DYNC1I1: variants seen among roughly 807,000 people sequenced by gnomAD.
DYNC1I1 encodes the protein cytoplasmic dynein 1 intermediate chain 1.
In DYNC1I1, 43 loss-of-function variants were observed where a neutral mutation model predicts 86.6. That is an observed-to-expected ratio of 0.50 (90% CI 0.39 to 0.64). The LOEUF (loss-of-function observed/expected upper bound fraction) is 0.64. Among genes scored for constraint, DYNC1I1 ranks in the 30% least tolerant of loss-of-function variants. The pLI, the probability that DYNC1I1 is intolerant of heterozygous loss-of-function variation, is 0.00. For missense variants in DYNC1I1, 604 were observed against 788.8 expected, an observed-to-expected ratio of 0.77 and a Z score of 2.81; for synonymous variants, 262 against 283.7, an observed-to-expected ratio of 0.92 and a Z score of 0.77.
At chr7:95,807,900 TTTG>T (rs541182115) in intron 2 of DYNC1I1, among the ~76,000 whole-genome samples, 10 of 152,066 alleles carry the variant, frequency 6.6e-5, no homozygotes, top group African/African-American at 1.4e-4. Context: ...GCTATATGCT[TTTG>T]TTGTTGTTGT....
chr7:95,891,629 A>G (rs979504001), intron 6 of DYNC1I1, among the ~76,000 whole-genome samples: 1 of 152,156 alleles, frequency 6.6e-6, no homozygotes, highest in Non-Finnish European at 1.5e-5. Flanking sequence ...GCCTAGGGAG[A>G]GTTTTAATGT....
intron 14 of DYNC1I1, among the ~76,000 whole-genome samples, chr7:96,043,092 C>T (rs766521747): frequency 6.7e-6 from 1 of 149,600 alleles, no homozygotes; most frequent in South Asian, 2.1e-4. Flanking sequence ...TCACTTGAAC[C>T]AGGGATTCAG....
At chr7:96,084,496 A>T (rs1438409193) in intron 16 of DYNC1I1, among the ~76,000 whole-genome samples, 1 of 146,040 alleles carries the variant, frequency 6.8e-6, no homozygotes, top group Admixed American at 7.0e-5. Context: ...CTGGAGTGCA[A>T]TGGCACACTT....
intron 6 of DYNC1I1, among the ~76,000 whole-genome samples, chr7:95,956,490 G>C (rs922910071): frequency 1.3e-5 from 2 of 151,190 alleles, no homozygotes; most frequent in Non-Finnish European, 2.9e-5. Context: ...CCCATTAACC[G>C]GTCATCTACA....
intron 14 of DYNC1I1, among the ~76,000 whole-genome samples, chr7:96,062,413 T>C (rs916618794): frequency 1.3e-5 from 2 of 152,022 alleles, no homozygotes; most frequent in South Asian, 4.2e-4. Flanking sequence ...TAGAATACTT[T>C]CCTTCTTTTG....
intron 6 of DYNC1I1, among the ~76,000 whole-genome samples, chr7:95,973,722 T>A (rs1793233248): frequency 6.6e-6 from 1 of 152,210 alleles, no homozygotes; most frequent in African/African-American, 2.4e-5. Context: ...GCATTTTTGG[T>A]CATGGTGTTT....
intron 9 of DYNC1I1, among the ~76,000 whole-genome samples, chr7:95,990,167 C>T (rs1250190228): frequency 6.6e-6 from 1 of 152,120 alleles, no homozygotes; most frequent in African/African-American, 2.4e-5. Flanking sequence ...TGGAAGAAAT[C>T]TGGGAAGCTG....
intron 5 of DYNC1I1, among the ~76,000 whole-genome samples, chr7:95,867,438 T>A (rs1790042704): frequency 6.6e-6 from 1 of 152,140 alleles, no homozygotes; most frequent in Non-Finnish European, 1.5e-5. Context: ...TCCCCTACCA[T>A]TCAGCTGTAT....
intron 6 of DYNC1I1, among the ~76,000 whole-genome samples, chr7:95,963,329 T>A (rs1028994851): frequency 6.6e-6 from 1 of 152,252 alleles, no homozygotes; most frequent in Non-Finnish European, 1.5e-5. Context: ...CCTGCATGAA[T>A]GCCAAATTCT....
intron 6 of DYNC1I1, among the ~76,000 whole-genome samples, chr7:95,955,693 C>T (rs557560904): frequency 4.6e-5 from 7 of 152,070 alleles, no homozygotes; most frequent in South Asian, 4.2e-4. Flanking sequence ...AACCAGCTCA[C>T]GTAAAAATTT....
intron 10 of DYNC1I1, among the ~76,000 whole-genome samples, chr7:96,021,008 G>A (rs1418462098): frequency 3.9e-5 from 6 of 152,032 alleles, no homozygotes; most frequent in Admixed American, 3.9e-4. Flanking sequence ...TGAGGGATGG[G>A]GGATGGGGGA....
chr7:95,885,950 G>T (rs887581323), intron 6 of DYNC1I1, among the ~76,000 whole-genome samples: 7 of 152,056 alleles, frequency 4.6e-5, no homozygotes, highest in Non-Finnish European at 1.0e-4. Flanking sequence ...TCTCTCTGAA[G>T]AAAAAATAAA....
intron 10 of DYNC1I1, among the ~76,000 whole-genome samples, chr7:95,997,439 T>G (rs1793893556): frequency 1.3e-5 from 2 of 152,162 alleles, no homozygotes; most frequent in African/African-American, 2.4e-5. Context: ...AATAATACAT[T>G]ATTATAATCA....
At chr7:96,073,530 A>G (rs770469199) in intron 14 of DYNC1I1, among the ~76,000 whole-genome samples, 2 of 152,234 alleles carry the variant, frequency 1.3e-5, no homozygotes, top group African/African-American at 2.4e-5. Flanking sequence ...TTAAAGCTGG[A>G]TGGTCTTTTA....
chr7:95,836,821 G>A (rs1789107552), intron 5 of DYNC1I1, among the ~76,000 whole-genome samples: 1 of 152,044 alleles, frequency 6.6e-6, no homozygotes, highest in African/African-American at 2.4e-5. Context: ...AGCTCCATCA[G>A]CTCCTTTCAG....
chr7:96,039,125 G>A (rs1345880804), intron 13 of DYNC1I1, 152 bp from the exon 14 acceptor site: 1 of 798,950 alleles, frequency 1.3e-6, no homozygotes, highest in African/African-American at 1.8e-5. Context: ...TTTCTTTCAG[G>A]ATAACTGTAA....
Position 95,961,097 on chromosome 7 carries a change from G to T in DYNC1I1, c.491-16415G>T, listed in dbSNP as rs549567903. Among the ~76,000 whole-genome samples the T allele has an allele frequency of 1.3e-3, 196 of 152,282 alleles. 1 individual carries two copies. The highest frequency in any genetic ancestry group is 0.01 in the Middle Eastern group (3 of 294). ...AAGTAAATGAGGTAGTAGCATGCTC[G>T]ACAGGTGAAGATGGCTGAGAGTGTG... On this transcript the variant is annotated intron_variant, in intron 6 of 16. Coordinates refer to ENST00000447467, the MANE Select transcript of DYNC1I1 (RefSeq NM_001135556.2).
intron 15 of DYNC1I1, among the ~76,000 whole-genome samples, chr7:96,079,029 GT>G (rs140145092): frequency 2.0e-5 from 3 of 149,812 alleles, no homozygotes; most frequent in Non-Finnish European, 4.5e-5. Context: ...GTTTTTTTTT[GT>G]TTTTTTGTTT....
intron 5 of DYNC1I1, among the ~76,000 whole-genome samples, chr7:95,846,535 C>A (rs1356033039): frequency 1.3e-5 from 2 of 152,034 alleles, no homozygotes; most frequent in Non-Finnish European, 2.9e-5. Context: ...GCTCATCCTT[C>A]TTGAAGTAGT....
Sources: allele counts gnomAD v4.1 joint callset (sites outside exome capture counted in the v4.1 genomes callset), GRCh38; gene constraint gnomAD v4.1.1; transcripts MANE v1.5; gene names NCBI Gene and HGNC (gene_info 2026-07-23, HGNC 2026-07-21).